Variants in NODAL observed in about 807,000 individuals in gnomAD.
The protein encoded by NODAL is nodal homolog.
Under a neutral mutation model 34.0 loss-of-function variants are expected in NODAL, and 12 were observed. The observed-to-expected ratio is 0.35, with a 90% CI of 0.23 to 0.57. The LOEUF (loss-of-function observed/expected upper bound fraction) is 0.57. NODAL is among the 20% of genes least tolerant of loss of function. The pLI, the probability that NODAL is intolerant of heterozygous loss-of-function variation, is 0.83. For missense variants in NODAL, 390 were observed against 444.2 expected, an observed-to-expected ratio of 0.88 and a Z score of 1.10; for synonymous variants, 162 against 186.4, an observed-to-expected ratio of 0.87 and a Z score of 1.07.
Position 70,435,791 on chromosome 10 carries a change from A to T in NODAL, c.386T>A (p.Leu129Ter). 3 of 1,614,138 alleles carry T rather than the reference A, an allele frequency of 1.9e-6. No homozygotes were observed. Among genetic ancestry groups the T allele is most frequent in the Non-Finnish European group, 2.5e-6 (3 of 1,180,036 alleles). Residue 129 changes from leucine to a stop codon, truncating the protein, a stop_gained, in exon 2 of 3, where the codon TTA becomes TAA. Transcript: ENST00000287139. LOFTEE classifies it high-confidence loss of function. ...GAATAGGTCCATCTGAAACCGCTCT[A>T]AGCAGCTGTCTGAAGCCTGCTCTGT... ...PDTEQASDSC[L>*]ERFQMDLFTV...
upstream of NODAL, among the ~76,000 whole-genome samples, chr10:70,441,839 T>C (rs887932722): frequency 6.6e-6 from 1 of 152,118 alleles, no homozygotes; most frequent in Non-Finnish European, 1.5e-5. Context: ...GACCTGAGCC[T>C]GGTGCGGAGG....
chr10:70,443,856 A>T (rs1157967303), upstream of NODAL, among the ~76,000 whole-genome samples: 1 of 152,042 alleles, frequency 6.6e-6, no homozygotes, highest in Non-Finnish European at 1.5e-5. Context: ...ATAAAAAAAA[A>T]ATTCAGTGAA....
chr10:70,447,041 C>T (rs1346663176), intron 1 of NODAL, among the ~76,000 whole-genome samples: 1 of 151,910 alleles, frequency 6.6e-6, no homozygotes, highest in African/African-American at 2.4e-5. Context: ...CTGTAAGTGC[C>T]CCCACAGCAA....
chr10:70,445,222 T>C (rs762829011), upstream of NODAL, among the ~76,000 whole-genome samples: 4 of 152,188 alleles, frequency 2.6e-5, no homozygotes, highest in Non-Finnish European at 4.4e-5. Context: ...CTTTCCATGC[T>C]GGACCAGAAG....
upstream of NODAL, among the ~76,000 whole-genome samples, chr10:70,442,953 G>A (rs1845448639): frequency 3.9e-5 from 6 of 152,062 alleles, no homozygotes; most frequent in Admixed American, 3.9e-4. Context: ...GCATTTTTGT[G>A]GTGTGCGCCT....
At chr10:70,443,876 G>T (rs1327420386), upstream of NODAL, among the ~76,000 whole-genome samples, 1 of 150,494 alleles carries the variant, frequency 6.6e-6, no homozygotes, top group Non-Finnish European at 1.5e-5. Flanking sequence ...ATGGCACTAT[G>T]TCTGAACTTG....
At chr10:70,442,485 C>T (rs1323406948), upstream of NODAL, among the ~76,000 whole-genome samples, 1 of 152,252 alleles carries the variant, frequency 6.6e-6, no homozygotes, top group Non-Finnish European at 1.5e-5. Flanking sequence ...ACTTTGATCT[C>T]TGGGCTCAGC....
upstream of NODAL, among the ~76,000 whole-genome samples, chr10:70,445,409 C>A (rs183910280): frequency 3.9e-5 from 6 of 152,282 alleles, no homozygotes; most frequent in Admixed American, 3.9e-4. Flanking sequence ...AGGCGCCCCC[C>A]ACCACGCCCG....
In NODAL at chr10:70,435,937, G is replaced by A. The variant is rs1446160119; in HGVS notation, c.240C>T (p.Ser80=). Residue 80 remains serine, a synonymous_variant, in exon 2 of 3, where the codon TCC becomes TCT. Coordinates refer to ENST00000287139, the MANE Select transcript of NODAL (RefSeq NM_018055.5). ...CCAGATCCTCTTGTTGGCTCAGGAA[G>A]GAGAAGTCAAAAGCAAACGTCCAGT... ...GQNWTFAFDF[S]FLSQQEDLAW... 1.2e-6 allele frequency: 2 copies of A among 1,614,030 alleles called. No homozygotes were observed. The highest frequency in any genetic ancestry group is 1.7e-6 in the Non-Finnish European group (2 of 1,180,028).
chr10:70,434,112 A>C (rs985190789), intron 2 of NODAL, among the ~76,000 whole-genome samples: 2 of 152,182 alleles, frequency 1.3e-5, no homozygotes, highest in African/African-American at 2.4e-5. Context: ...GAGGCTTGGC[A>C]TGGAGGATAT....
chr10:70,435,616 C>G lies in NODAL; in HGVS notation c.561G>C (p.Pro187=), dbSNP rs562953013. 1 of 1,613,928 alleles carries G rather than the reference C, an allele frequency of 6.2e-7. No homozygotes were observed. The highest frequency in any genetic ancestry group is 1.3e-5 in the African/African-American group (1 of 75,038). The change falls in exon 2 of 3, where the codon CCG becomes CCC. Residue 187 remains proline, a synonymous_variant. Coordinates refer to ENST00000287139, the MANE Select transcript of NODAL (RefSeq NM_018055.5). ...AGECWPRPPT[P]PATNVLLMLY... is the part of the protein sequence containing the mutation. ...GCATAAGGAGCACATTGGTGGCAGG[C>G]GGTGTGGGGGGCCGCGGCCAGCACT... is the stretch of plus-strand genomic sequence containing the variant.
intron 2 of NODAL, 126 bp downstream of exon 2, chr10:70,435,160 C>A: frequency 1.2e-6 from 1 of 834,024 alleles, no homozygotes; most frequent in South Asian, 1.6e-5. Flanking sequence ...AGCACAGGAT[C>A]CTGGTACATT....
intron 1 of NODAL, among the ~76,000 whole-genome samples, chr10:70,447,289 G>A (rs370871349): frequency 2.6e-5 from 4 of 151,896 alleles, no homozygotes; most frequent in African/African-American, 9.7e-5. Context: ...GGCCAGGCTG[G>A]TCTCAAACTC....
chr10:70,436,370 A>G (rs2132216042), intron 1 of NODAL: 1 of 324,912 alleles, frequency 3.1e-6, no homozygotes, highest in South Asian at 2.8e-5. Flanking sequence ...GTCTCCTCCC[A>G]TACATGAAGT....
chr10:70,434,455 C>T (rs569210593), intron 2 of NODAL, among the ~76,000 whole-genome samples: 2 of 152,258 alleles, frequency 1.3e-5, no homozygotes, highest in South Asian at 2.1e-4. Flanking sequence ...CTCTGCCTCC[C>T]GGGTTCAAGT....
chr10:70,436,174 G>A, intron 1 of NODAL, 191 bp from the exon 2 acceptor site: 3 of 637,168 alleles, frequency 4.7e-6, no homozygotes, highest in South Asian at 1.8e-5. Context: ...CTGAGGCTCA[G>A]TGTGGTTAAA....
At chr10:70,446,112 G>C (rs1244646753), upstream of NODAL, among the ~76,000 whole-genome samples, 2 of 152,180 alleles carry the variant, frequency 1.3e-5, no homozygotes, top group Middle Eastern at 3.2e-3. Context: ...ATATAAGAAA[G>C]ACCAGAAGTG....
Position 70,435,376 on chromosome 10 carries a change from G to A in NODAL, c.801C>T (p.Tyr267=), listed in dbSNP as rs771688576. The change falls in exon 2 of 3, where the codon TAC becomes TAT. Residue 267 remains tyrosine (Y), a synonymous_variant. Coordinates refer to ENST00000287139, the MANE Select transcript of NODAL (RefSeq NM_018055.5). The stretch of plus-strand genomic sequence containing the variant: ...AGCGATAGGCGTTGTACTGCTTGGG[G>A]TAGATGATCCAGGAGCCCCATCCGA... ...NLIGWGSWII[Y]PKQYNAYRCE... 1.2e-6 allele frequency: 2 copies of A among 1,614,046 alleles called. No individual in the cohort carries two copies. Among genetic ancestry groups the A allele is most frequent in the Admixed American group, 1.7e-5 (1 of 59,992 alleles).
At chr10:70,440,809 C>T (rs1845421171) in intron 1 of NODAL, among the ~76,000 whole-genome samples, 1 of 152,210 alleles carries the variant, frequency 6.6e-6, no homozygotes, top group African/African-American at 2.4e-5. Flanking sequence ...GGACCCAAGG[C>T]TGCCACAGTT....
Sources: gnomAD v4.1 joint callset for allele counts (sites outside exome capture counted in the v4.1 genomes callset) on GRCh38, gnomAD v4.1.1 for gene constraint, MANE v1.5 for transcripts, NCBI Gene and HGNC (gene_info 2026-07-23, HGNC 2026-07-21) for gene names.